The following PNPLA7 variants were observed in gnomAD, a reference collection of about 807,000 sequenced individuals.
PNPLA7 encodes patatin-like phospholipase domain-containing protein 7.
In PNPLA7, 153 loss-of-function variants were observed where a neutral mutation model predicts 161.7. The ratio of observed to expected loss-of-function variants is 0.95; its 90% CI spans 0.83 to 1.08. PNPLA7 has a LOEUF of 1.08. Among genes scored for constraint, PNPLA7 ranks in the 50% least tolerant of loss-of-function variants. The pLI, the probability that PNPLA7 is intolerant of heterozygous loss-of-function variation, is 0.00. For missense variants in PNPLA7, 1,739 were observed against 1,856.6 expected (o/e 0.94, Z 1.16); for synonymous variants, 809 against 782.1 (o/e 1.03, Z -0.57).
intron 4 of PNPLA7, among the ~76,000 whole-genome samples, chr9:137,544,841 G>C (rs754272981): frequency 6.6e-6 from 1 of 152,086 alleles, no homozygotes; most frequent in Non-Finnish European, 1.5e-5. Flanking sequence ...GTAGAGACAG[G>C]GTTTCGCCAT....
Position 137,505,603 on chromosome 9 carries a change from G to A in PNPLA7, c.1473+11C>T. ...TGGGACAAGGGCCAGGTGCCCGCCG[G>A]GGCCACTCACTTCCAGCTTCATCAG... On this transcript the variant is annotated intron_variant, in intron 14 of 34. Transcript: ENST00000406427. 1 of 1,613,542 alleles carries A rather than the reference G, an allele frequency of 6.2e-7. No homozygotes were observed. The highest frequency in any genetic ancestry group is 8.5e-7 in the Non-Finnish European group (1 of 1,179,750).
At chr9:137,463,895 T>A (rs1301200785) in intron 28 of PNPLA7, among the ~76,000 whole-genome samples, 1 of 152,124 alleles carries the variant, frequency 6.6e-6, no homozygotes, top group Non-Finnish European at 1.5e-5. Flanking sequence ...AGCCCAACAT[T>A]GCTGATTCTG....
chr9:137,518,806 C>T (rs1313937056), intron 11 of PNPLA7, among the ~76,000 whole-genome samples: 1 of 75,712 alleles, frequency 1.3e-5, no homozygotes, highest in African/African-American at 6.7e-5. Context: ...TCCACTCTGT[C>T]CACTCCATCC....
chr9:137,471,501 A>G (rs1257837846), intron 25 of PNPLA7, among the ~76,000 whole-genome samples: 1 of 151,334 alleles, frequency 6.6e-6, no homozygotes, highest in Non-Finnish European at 1.5e-5. Flanking sequence ...CAGGAGGCTG[A>G]GACAGAGAAT....
chr9:137,464,130 G>A lies in PNPLA7; in HGVS notation c.3222C>T (p.Thr1074=), dbSNP rs201171368. ...CTGCGCAGCAGGAGTGCTCACCGTCGGTGTGGACCCGCATGGCCGAGGCTG... is the reference window on the plus strand; with the variant it reads ...CTGCGCAGCAGGAGTGCTCACCGTCAGTGTGGACCCGCATGGCCGAGGCTG... ...DITASAMRVH[T]DGSLWWYVRA... is the part of the protein sequence containing the mutation. Residue 1074 remains threonine (T), a synonymous_variant, in exon 28 of 35, where the codon ACC becomes ACT. Coordinates refer to ENST00000406427, the MANE Select transcript of PNPLA7 (RefSeq NM_001098537.3). The A allele has an allele frequency of 1.1e-4, 175 of 1,613,476 alleles. No homozygotes were observed. Among genetic ancestry groups the A allele is most frequent in the South Asian group, 2.3e-4 (21 of 91,034 alleles).
Position 137,500,338 on chromosome 9 carries a change from G to A in PNPLA7, c.1757+353C>T, listed in dbSNP as rs746536441. Among the ~76,000 whole-genome samples, 7 of 152,230 alleles carry A rather than the reference G, an allele frequency of 4.6e-5. No individual in the cohort carries two copies. The highest frequency in any genetic ancestry group is 9.6e-5 in the African/African-American group (4 of 41,454). On this transcript the variant is annotated intron_variant, in intron 16 of 34. Coordinates refer to ENST00000406427, the MANE Select transcript of PNPLA7 (RefSeq NM_001098537.3). The surrounding 1 kb of genome is among the most constrained non-coding windows in gnomAD (Gnocchi z 5.5). ...GGACGGCTCACGGCCCCTGAAGCCC[G>A]GCCCTGCCCCAACGTGGGCCTTGCT... is the stretch of plus-strand genomic sequence containing the variant.
intron 8 of PNPLA7, among the ~76,000 whole-genome samples, chr9:137,535,751 T>G: frequency 2.1e-5 from 2 of 93,374 alleles, no homozygotes; most frequent in Admixed American, 2.1e-4. Flanking sequence ...AGACCCCGTC[T>G]CAAAAAAAAA....
intron 29 of PNPLA7, chr9:137,463,143 T>C: frequency 1.7e-6 from 1 of 586,042 alleles, no homozygotes; most frequent in Admixed American, 3.0e-5. Flanking sequence ...TTGCTCCCAG[T>C]TCCTCGACTT....
At chr9:137,497,437 G>A in intron 17 of PNPLA7, 127 bp from the exon 18 acceptor site, 1 of 940,614 alleles carries the variant, frequency 1.1e-6, no homozygotes, top group Middle Eastern at 2.4e-4. Context: ...TCTTATTTTT[G>A]TTTTGGAAAA....
chr9:137,474,670 G>A (rs1030626767), intron 25 of PNPLA7, among the ~76,000 whole-genome samples: 3 of 152,044 alleles, frequency 2.0e-5, no homozygotes, highest in Non-Finnish European at 4.4e-5. Flanking sequence ...GGAGAGAAAA[G>A]ACTAAAAATT....
chr9:137,492,965 A>G (rs1012126090), intron 20 of PNPLA7, 48 bp downstream of exon 20: 11 of 1,569,876 alleles, frequency 7.0e-6, no homozygotes, highest in Non-Finnish European at 9.6e-6. Flanking sequence ...GGGCTCCAGG[A>G]CTGGGTGAGG....
intron 12 of PNPLA7, chr9:137,509,258 G>C (rs1834077791): frequency 6.4e-6 from 1 of 155,978 alleles, no homozygotes; most frequent in African/African-American, 2.4e-5. Context: ...GCTGGCATGA[G>C]TGAGTTTAGC....
At position 137,495,483 on chromosome 9, in the gene PNPLA7, A is replaced by G. The variant is rs113500582; in HGVS notation, c.2014-337T>C. Among the ~76,000 whole-genome samples the G allele has an allele frequency of 3.2e-3, 486 of 151,218 alleles. 5 individuals carry two copies. Among genetic ancestry groups the G allele is most frequent in the African/African-American group, 0.011 (467 of 41,132 alleles). On this transcript the variant is annotated intron_variant, in intron 18 of 34. Coordinates refer to ENST00000406427, the MANE Select transcript of PNPLA7 (RefSeq NM_001098537.3). ...CTTGGAGACGGAGTCTCATTCTGTCACCCAGGCTGGAGTGCAGTGGTGCGA... is the reference window on the plus strand; with the variant it reads ...CTTGGAGACGGAGTCTCATTCTGTCGCCCAGGCTGGAGTGCAGTGGTGCGA...
Position 137,542,750 on chromosome 9 carries a change from G to A in PNPLA7, c.558C>T (p.Ile186=), listed in dbSNP as rs143980960. Residue 186 remains isoleucine, a synonymous_variant, in exon 7 of 35, where the codon ATC becomes ATT. Coordinates refer to ENST00000406427, the MANE Select transcript of PNPLA7 (RefSeq NM_001098537.3). Reference sequence around the variant, plus strand: ...CCCCTTCCTGCAGCTGCACAAAGACGATGTGTTTGCAAAGCTCCAGGAACA... The same window carrying A: ...CCCCTTCCTGCAGCTGCACAAAGACAATGTGTTTGCAAAGCTCCAGGAACA... ...KPLFLELCKH[I]VFVQLQEGEH... 67 of 1,613,838 alleles carry A rather than the reference G, an allele frequency of 4.2e-5. No homozygotes were observed. The highest frequency in any genetic ancestry group is 1.2e-4 in the African/African-American group (9 of 75,042).
intron 7 of PNPLA7, 121 bp downstream of exon 7, chr9:137,542,521 A>G: frequency 8.5e-7 from 1 of 1,172,014 alleles, no homozygotes; most frequent in Non-Finnish European, 1.1e-6. Flanking sequence ...GTTTTCCCCC[A>G]AAGAAATTAA....
At chr9:137,492,754 C>T (rs1277230982) in intron 20 of PNPLA7, among the ~76,000 whole-genome samples, 50 of 99,282 alleles carry the variant, frequency 5.0e-4, no homozygotes, top group African/African-American at 1.8e-3. Flanking sequence ...GCTGGGTGGG[C>T]CGGGCTTCAT....
At chr9:137,549,423 A>G (rs1396660632) in intron 1 of PNPLA7, among the ~76,000 whole-genome samples, 3 of 150,988 alleles carry the variant, frequency 2.0e-5, no homozygotes, top group African/African-American at 7.3e-5. Flanking sequence ...AAAAAATATT[A>G]GCCGGGCGTG....
chr9:137,463,418 G>A lies in PNPLA7; in HGVS notation c.3340C>T (p.Pro1114Ser). 1.2e-6 allele frequency: 2 copies of A among 1,602,280 alleles called. No homozygotes were observed. The highest frequency in any genetic ancestry group is 1.7e-6 in the Non-Finnish European group (2 of 1,174,404). The change falls in exon 29 of 35, where the codon CCA becomes TCA. Residue 1114 changes from proline (P) to serine (S), a missense_variant. Physicochemically the swap from Pro to Ser is moderately conservative, Grantham distance 74 (BLOSUM62 -1). Around this residue, in one of 6 missense-constraint regions of PNPLA7, gnomAD observed 703 missense variants for 694.6 expected, o/e 1.01. Coordinates refer to ENST00000406427, the MANE Select transcript of PNPLA7 (RefSeq NM_001098537.3). ...LMDGGYINNL[P>S]ADVARSMGAK... ...CGTGGTCCCCCCACCGCAGTACCTG[G>A]GAGGTTGTTGATGTAGCCCCCGTCC...
Position 137,468,133 on chromosome 9 carries a change from G to A in PNPLA7, c.2883-660C>T, listed in dbSNP as rs1170049731. 6.6e-6 allele frequency among the ~76,000 whole-genome samples: 1 copy of A among 152,000 alleles called. No homozygotes were observed. Among genetic ancestry groups the A allele is most frequent in the Non-Finnish European group, 1.5e-5 (1 of 67,990 alleles). ...AAGCATCCTGAGGGGCAGCACCCCA[G>A]GAGTCAGATGAGCTGGATGTAGACC... is the stretch of plus-strand genomic sequence containing the variant. On this transcript the variant is annotated intron_variant, in intron 25 of 34. Coordinates refer to ENST00000406427, the MANE Select transcript of PNPLA7 (RefSeq NM_001098537.3). This position sits in a 1 kb window ranked among gnomAD's most constrained non-coding sequence, Gnocchi z 4.0.
Sources: allele counts gnomAD v4.1 joint callset (sites outside exome capture counted in the v4.1 genomes callset), GRCh38; gene constraint gnomAD v4.1.1; regional missense constraint gnomAD v4.1.1; non-coding constraint Gnocchi (gnomAD v3.1); transcripts MANE v1.5; gene names NCBI Gene and HGNC (gene_info 2026-07-23, HGNC 2026-07-21).